ITPR2: variants seen among roughly 807,000 people sequenced by gnomAD.
ITPR2 encodes the protein inositol 1,4,5-trisphosphate-gated calcium channel ITPR2.
Under a neutral mutation model 317.1 loss-of-function variants are expected in ITPR2, and 207 were observed. The observed-to-expected ratio is 0.65, with a 90% CI of 0.58 to 0.73. The LOEUF (loss-of-function observed/expected upper bound fraction) is 0.73. Ranked by LOEUF, ITPR2 falls within the 30% of genes least tolerant of loss-of-function variation. The probability of loss-of-function intolerance (pLI) is 0.00; values close to 1 mark genes in which losing one functional copy is unlikely to be tolerated. For synonymous variants in ITPR2, 1,156 were observed against 1,149.1 expected, an observed-to-expected ratio of 1.01 and a Z score of -0.12; for missense variants, 2,613 against 3,284.0, an observed-to-expected ratio of 0.80 and a Z score of 4.99.
intron 52 of ITPR2, 29 bp from the exon 53 acceptor site, chr12:26,400,287 T>C (rs757683327): frequency 7.7e-7 from 1 of 1,292,538 alleles, no homozygotes; most frequent in East Asian, 2.7e-5. Context: ...ATATATGATA[T>C]AAAATTATGT....
intron 21 of ITPR2, among the ~76,000 whole-genome samples, chr12:26,633,809 A>G (rs1946804003): frequency 6.6e-6 from 1 of 152,164 alleles, no homozygotes; most frequent in African/African-American, 2.4e-5. Context: ...CCTCCAAGAG[A>G]TGCTTTCTCA....
chr12:26,657,474 A>C (rs1357464890), intron 18 of ITPR2, among the ~76,000 whole-genome samples: 1 of 152,216 alleles, frequency 6.6e-6, no homozygotes, highest in African/African-American at 2.4e-5. Context: ...TGGCTGCACA[A>C]TAATTCCAAG....
chr12:26,411,553 T>C (rs1011435189), intron 51 of ITPR2, 141 bp from the exon 52 acceptor site: 8 of 619,960 alleles, frequency 1.3e-5, no homozygotes, highest in Non-Finnish European at 2.2e-5. Flanking sequence ...GAAGTTAGTA[T>C]GGAATTCTGA....
intron 1 of ITPR2, among the ~76,000 whole-genome samples, chr12:26,829,778 G>A (rs1319457184): frequency 6.6e-6 from 1 of 152,182 alleles, no homozygotes; most frequent in Non-Finnish European, 1.5e-5. Context: ...GGGAGGCATG[G>A]TCATATCCAA....
At chr12:26,357,032 C>G (rs1343736636) in intron 55 of ITPR2, among the ~76,000 whole-genome samples, 1 of 151,868 alleles carries the variant, frequency 6.6e-6, no homozygotes, top group South Asian at 2.1e-4. Context: ...TATGATTGGC[C>G]AATCATATCA....
At chr12:26,823,302 A>C (rs923240605) in intron 1 of ITPR2, among the ~76,000 whole-genome samples, 1 of 152,222 alleles carries the variant, frequency 6.6e-6, no homozygotes, top group African/African-American at 2.4e-5. Context: ...GGTGCTGAGC[A>C]TACAGGATTA....
chr12:26,580,907 T>C (rs1945389015), intron 32 of ITPR2, among the ~76,000 whole-genome samples: 1 of 152,008 alleles, frequency 6.6e-6, no homozygotes. Context: ...AAAGCTAAGA[T>C]ACCTAATTAA....
intron 37 of ITPR2, among the ~76,000 whole-genome samples, chr12:26,514,109 A>G (rs1265141171): frequency 6.6e-6 from 1 of 152,214 alleles, no homozygotes; most frequent in Non-Finnish European, 1.5e-5. Context: ...ATTTTTTAAT[A>G]TTTTATCAGC....
chr12:26,435,982 A>C (rs1271552066), intron 48 of ITPR2, among the ~76,000 whole-genome samples: 2 of 152,164 alleles, frequency 1.3e-5, no homozygotes, highest in Non-Finnish European at 2.9e-5. Flanking sequence ...AAATCTTTTC[A>C]TTGCTTTATT....
At chr12:26,449,367 A>C (rs940010505) in intron 45 of ITPR2, among the ~76,000 whole-genome samples, 1 of 152,182 alleles carries the variant, frequency 6.6e-6, no homozygotes, top group African/African-American at 2.4e-5. Context: ...TCTAATGTGC[A>C]AAATATGGAA....
In ITPR2 at chr12:26,663,207, G is replaced by A. The variant is rs1034190138; in HGVS notation, c.1713+478C>T. ...CCTACCCAAAGGCTTCCTTCTCCAA[G>A]TATTCTTCCTTGGTTCCCAAAGCCA... On this transcript the variant is annotated intron_variant, in intron 15 of 56. Transcript: ENST00000381340. Among the ~76,000 whole-genome samples the A allele has an allele frequency of 7.2e-5, 11 of 152,128 alleles. 1 individual carries two copies. In the South Asian group the frequency reaches 2.3e-3, roughly 32 times the overall value.
At chr12:26,685,244 G>T (rs1228790057) in intron 11 of ITPR2, among the ~76,000 whole-genome samples, 1 of 152,172 alleles carries the variant, frequency 6.6e-6, no homozygotes, top group Admixed American at 6.5e-5. Flanking sequence ...TCTAGAGAGT[G>T]CATCATAGCC....
intron 21 of ITPR2, chr12:26,648,756 C>G (rs546365439): frequency 3.3e-5 from 5 of 152,078 alleles, no homozygotes; most frequent in African/African-American, 1.2e-4. Context: ...TCTCTAGGTA[C>G]TTTCCACAAT....
At chr12:26,417,376 A>G (rs975372102) in intron 50 of ITPR2, among the ~76,000 whole-genome samples, 3 of 152,172 alleles carry the variant, frequency 2.0e-5, no homozygotes, top group African/African-American at 7.2e-5. Flanking sequence ...ATTATCTGAT[A>G]TGGTTTGGCT....
chr12:26,828,553 A>G (rs1383100059), intron 1 of ITPR2, among the ~76,000 whole-genome samples: 1 of 152,218 alleles, frequency 6.6e-6, no homozygotes, highest in East Asian at 1.9e-4. Context: ...CAAAATCATG[A>G]ATCAGTCTGA....
intron 2 of ITPR2, among the ~76,000 whole-genome samples, chr12:26,774,774 G>A (rs1949928811): frequency 6.6e-6 from 1 of 152,144 alleles, no homozygotes; most frequent in Admixed American, 6.5e-5. Flanking sequence ...TCAACTTCCT[G>A]GATCTCTCTT....
intron 36 of ITPR2, among the ~76,000 whole-genome samples, chr12:26,555,566 G>A (rs575557923): frequency 5.3e-5 from 8 of 152,264 alleles, no homozygotes; most frequent in African/African-American, 1.9e-4. Context: ...TCTCCCTTGA[G>A]AATTTTTCAC....
At chr12:26,393,038 G>A (rs1221154223) in intron 54 of ITPR2, among the ~76,000 whole-genome samples, 1 of 152,128 alleles carries the variant, frequency 6.6e-6, no homozygotes, top group African/African-American at 2.4e-5. Context: ...ACTAGCTATT[G>A]TTTTCTGAGT....
chr12:26,418,008 T>C (rs996581463), intron 50 of ITPR2, among the ~76,000 whole-genome samples: 1 of 152,234 alleles, frequency 6.6e-6, no homozygotes, highest in African/African-American at 2.4e-5. Context: ...ATTTAGATTG[T>C]TAGAACGGAA....
Sources: gnomAD v4.1 joint callset for allele counts (sites outside exome capture counted in the v4.1 genomes callset) on GRCh38, gnomAD v4.1.1 for gene constraint, MANE v1.5 for transcripts, NCBI Gene and HGNC (gene_info 2026-07-23, HGNC 2026-07-21) for gene names.